The following RBM25 variants were observed in gnomAD, a reference collection of about 807,000 sequenced individuals.
The protein encoded by RBM25 is RNA binding motif protein 25.
Under a neutral mutation model 120.7 loss-of-function variants are expected in RBM25, and 19 were observed. The observed-to-expected ratio is 0.16, with a 90% CI of 0.11 to 0.23. The LOEUF is 0.23. Among genes scored for constraint, RBM25 ranks in the 10% least tolerant of loss-of-function variants. RBM25 has a pLI of 1.00. For synonymous variants in RBM25, 390 were observed against 326.7 expected (o/e 1.19, Z -2.09); for missense variants, 605 against 1,041.5 (o/e 0.58, Z 5.77).
At chr14:73,083,414 A>T in intron 4 of RBM25, 80 bp from the exon 5 acceptor site, 4 of 1,125,208 alleles carry the variant, frequency 3.6e-6, no homozygotes, top group Non-Finnish European at 4.9e-6. Flanking sequence ...TCCCTAGTAG[A>T]AATATAATTT....
intron 10 of RBM25, among the ~76,000 whole-genome samples, chr14:73,103,948 T>TCTCACACACACACA (rs1594928335): frequency 8.7e-5 from 8 of 91,432 alleles, no homozygotes; most frequent in Non-Finnish European, 1.9e-4. Flanking sequence ...TCTCTCTCTC[T>TCTCACACACACACA]CACACACACA....
intron 18 of RBM25, 26 bp from the exon 19 acceptor site, chr14:73,119,687 G>T: frequency 1.2e-6 from 2 of 1,609,226 alleles, no homozygotes; most frequent in Non-Finnish European, 8.5e-7. Flanking sequence ...TCTCTTACAT[G>T]TGTTGCTGTT....
In RBM25 at chr14:73,119,707, CT is replaced by C; in HGVS notation, c.2440-3del. On this transcript the variant is annotated splice_region_variant and splice_polypyrimidine_tract_variant and intron_variant, in intron 18 of 18. Coordinates refer to ENST00000261973, the MANE Select transcript of RBM25 (RefSeq NM_021239.3). ...TACATGTGTTGCTGTTTTGTTTCCTCTTTAGGTACTTGATGAAGAAGCAGAA... is the reference window on the plus strand; with the variant it reads ...TACATGTGTTGCTGTTTTGTTTCCTCTTAGGTACTTGATGAAGAAGCAGAA... 1.2e-6 allele frequency: 2 copies of C among 1,611,450 alleles called. No homozygotes were observed. The highest frequency in any genetic ancestry group is 1.7e-6 in the Non-Finnish European group (2 of 1,179,358).
intron 1 of RBM25, among the ~76,000 whole-genome samples, chr14:73,070,613 C>T (rs982637239): frequency 6.6e-6 from 1 of 152,066 alleles, no homozygotes; most frequent in African/African-American, 2.4e-5. Context: ...GCAACAAATA[C>T]TGTGTAACTT....
chr14:73,073,594 A>G (rs1311492539), intron 2 of RBM25, among the ~76,000 whole-genome samples: 2 of 152,152 alleles, frequency 1.3e-5, no homozygotes, highest in Non-Finnish European at 2.9e-5. Flanking sequence ...AGGCTGAGGC[A>G]GGAGAATCGC....
In RBM25 at chr14:73,083,559, A is replaced by C. The variant is rs1895612679; in HGVS notation, c.382+8A>C. The C allele has an allele frequency of 1.9e-6, 3 of 1,564,002 alleles. No homozygotes were observed. Among genetic ancestry groups the C allele is most frequent in the Admixed American group, 2.2e-5 (1 of 46,206 alleles). ...CTTCCGGAAAGCTTCAAGGTATGTCATTTTTTTCCTTATTTGCTGAAATCA... is the reference window on the plus strand; with the variant it reads ...CTTCCGGAAAGCTTCAAGGTATGTCCTTTTTTTCCTTATTTGCTGAAATCA... On this transcript the variant is annotated splice_region_variant and intron_variant, in intron 5 of 18. Transcript: ENST00000261973.
At chr14:73,112,337 G>GTCAA in intron 17 of RBM25, 87 bp downstream of exon 17, 1 of 1,264,504 alleles carries the variant, frequency 7.9e-7, no homozygotes, top group Non-Finnish European at 1.0e-6. Context: ...ATTTTACAGA[G>GTCAA]TCAAGTTCCA....
intron 2 of RBM25, among the ~76,000 whole-genome samples, chr14:73,075,080 C>T (rs1227017431): frequency 6.6e-6 from 1 of 151,628 alleles, no homozygotes. Flanking sequence ...AATGCTAGCA[C>T]ACCGCAGCCT....
chr14:73,117,202 C>CTTCTT (rs1566603578), intron 18 of RBM25, among the ~76,000 whole-genome samples: 30 of 47,752 alleles, frequency 6.3e-4, no homozygotes, highest in East Asian at 1.9e-3. Flanking sequence ...TAATTTCTTT[C>CTTCTT]TTCTTTTCTT....
chr14:73,089,073 G>A (rs543144991), intron 6 of RBM25, among the ~76,000 whole-genome samples: 4 of 152,222 alleles, frequency 2.6e-5, no homozygotes, highest in African/African-American at 9.6e-5. Context: ...CTGCAGAGGC[G>A]GAGGTTGCAG....
At chr14:73,098,543 T>G (rs1895996396) in intron 7 of RBM25, among the ~76,000 whole-genome samples, 1 of 152,214 alleles carries the variant, frequency 6.6e-6, no homozygotes, top group Admixed American at 6.5e-5. Flanking sequence ...TTTCAGTGCC[T>G]TTTTAGGCCA....
rs538039218 is a variant in RBM25 at position 73,089,620 on chromosome 14, G to T, written c.543+1459G>T. Among the ~76,000 whole-genome samples, 5 of 151,926 alleles carry T rather than the reference G, an allele frequency of 3.3e-5. No individual in the cohort carries two copies. In the South Asian group the frequency reaches 1.0e-3, roughly 32 times the overall value. ...TCTGTTCTCCTTGGCCTCCCAAAGT[G>T]CTGGGATTACAGGTGTGAGCCACCA... On this transcript the variant is annotated intron_variant, in intron 6 of 18. Coordinates refer to ENST00000261973, the MANE Select transcript of RBM25 (RefSeq NM_021239.3).
chr14:73,106,339 C>CT, intron 12 of RBM25, 54 bp downstream of exon 12: 1 of 1,368,268 alleles, frequency 7.3e-7, no homozygotes, highest in Non-Finnish European at 1.0e-6. Flanking sequence ...CAGATTGTAT[C>CT]TTTACTGCTA....
At chr14:73,095,506 T>C (rs993125826) in intron 6 of RBM25, among the ~76,000 whole-genome samples, 2 of 151,240 alleles carry the variant, frequency 1.3e-5, no homozygotes, top group African/African-American at 4.9e-5. Context: ...CTCAGGAGGC[T>C]AAGGCAGGAG....
chr14:73,101,182 A>G (rs1020951752), intron 9 of RBM25: 2 of 152,236 alleles, frequency 1.3e-5, no homozygotes, highest in African/African-American at 2.4e-5. Flanking sequence ...ATGAAAAACC[A>G]AAACAGTTGT....
chr14:73,082,036 C>T (rs1429495332), intron 4 of RBM25, among the ~76,000 whole-genome samples: 4 of 152,056 alleles, frequency 2.6e-5, no homozygotes, highest in African/African-American at 9.7e-5. Flanking sequence ...TTTGAGAATT[C>T]TTTTTACTTT....
intron 4 of RBM25, 108 bp from the exon 5 acceptor site, chr14:73,083,386 T>C (rs1435120265): frequency 2.2e-6 from 2 of 896,110 alleles, no homozygotes; most frequent in Non-Finnish European, 3.2e-6. Context: ...TTGCTGGTTT[T>C]TTATTTTATG....
chr14:73,087,690 C>T (rs186797606), intron 5 of RBM25, among the ~76,000 whole-genome samples: 17 of 152,306 alleles, frequency 1.1e-4, no homozygotes, highest in South Asian at 4.1e-4. Flanking sequence ...CCACCGCGCC[C>T]GGCCAATTGA....
chr14:73,097,647 T>C (rs894326220), intron 7 of RBM25, among the ~76,000 whole-genome samples: 1 of 152,184 alleles, frequency 6.6e-6, no homozygotes, highest in Admixed American at 6.5e-5. Context: ...TATTTTACTT[T>C]GTTTGCCTAT....
Sources: allele counts gnomAD v4.1 joint callset (sites outside exome capture counted in the v4.1 genomes callset), GRCh38; gene constraint gnomAD v4.1.1; transcripts MANE v1.5; gene names NCBI Gene and HGNC (gene_info 2026-07-23, HGNC 2026-07-21).